The following IL15RA variants were observed in gnomAD, a reference collection of about 807,000 sequenced individuals.
IL15RA encodes interleukin 15 receptor subunit alpha.
IL15RA carries 26 observed loss-of-function variants against 24.2 expected under a neutral mutation model. That is an observed-to-expected ratio of 1.07 (90% CI 0.79 to 1.49). The LOEUF (loss-of-function observed/expected upper bound fraction) is 1.49, where lower values mean the gene tolerates loss of function less well. IL15RA is among the 40% of genes most tolerant of loss of function. The pLI, the probability that IL15RA is intolerant of heterozygous loss-of-function variation, is 0.00. For missense variants in IL15RA, 354 were observed against 356.4 expected, an observed-to-expected ratio of 0.99 and a Z score of 0.05; for synonymous variants, 166 against 157.6, an observed-to-expected ratio of 1.05 and a Z score of -0.40.
In IL15RA at chr10:5,977,527, G is replaced by C. The variant is rs1456727161; in HGVS notation, c.-35C>G. ...TCCACAGGACACCGCTGGACTCCCC[G>C]GGCGAGCGCTGCCCAGGCCGGGGGG... On this transcript the variant is annotated 5_prime_UTR_variant, in exon 1 of 7. Transcript: ENST00000379977. The C allele has an allele frequency of 4.6e-6, 6 of 1,308,284 alleles. No homozygotes were observed. Among genetic ancestry groups the C allele is most frequent in the South Asian group, 2.1e-5 (1 of 47,210 alleles). The allele number at this position is 1,308,284 out of a possible 1,614,324, so 81.0% of individuals were successfully genotyped here.
At chr10:5,956,644 G>C (rs1834562357) in intron 5 of IL15RA, among the ~76,000 whole-genome samples, 190 bp from the exon 6 acceptor site, 1 of 152,188 alleles carries the variant, frequency 6.6e-6, no homozygotes. Context: ...TCTCTTTCCT[G>C]CTGAGGGTGC....
In IL15RA at chr10:5,953,126, T is replaced by G; in HGVS notation, c.773A>C (p.Glu258Ala). 1.2e-6 allele frequency: 2 copies of G among 1,614,170 alleles called. No homozygotes were observed. The highest frequency in any genetic ancestry group is 2.2e-5 in the South Asian group (2 of 91,088). Reference protein sequence around the residue: ...PVTWGTSSRDEDLENCSHHL With the variant: ...PVTWGTSSRDADLENCSHHL Reference sequence around the variant, plus strand: ...GTGGTGAGAGCAGTTTTCCAAGTCTTCATCTCTGCTGCTGGTCCCCCAAGT... The same window carrying G: ...GTGGTGAGAGCAGTTTTCCAAGTCTGCATCTCTGCTGCTGGTCCCCCAAGT... The change falls in exon 7 of 7, where the codon GAA becomes GCA. Residue 258 changes from glutamate (E) to alanine (A), a missense_variant. By Grantham distance (107) the Glu-to-Ala change is moderately radical (BLOSUM62 -1). Transcript: ENST00000379977. This position sits in a 1 kb window ranked among gnomAD's most constrained non-coding sequence, Gnocchi z 5.3.
chr10:5,949,486 A>G (rs1012887216), downstream of IL15RA, among the ~76,000 whole-genome samples: 2 of 152,182 alleles, frequency 1.3e-5, no homozygotes, highest in African/African-American at 2.4e-5. This position sits in a 1 kb window ranked among gnomAD's most constrained non-coding sequence, Gnocchi z 4.4. Flanking sequence ...CCTGCCTGCA[A>G]GGAGCACAGC....
At position 5,962,847 on chromosome 10, in the gene IL15RA, C is replaced by A. The variant is rs1835834784; in HGVS notation, c.382+896G>T. Among the ~76,000 whole-genome samples, 1 of 152,130 alleles carries A rather than the reference C, an allele frequency of 6.6e-6. No homozygotes were observed. Among genetic ancestry groups the A allele is most frequent in the African/African-American group, 2.4e-5 (1 of 41,432 alleles). ...CTAAAGCCAAGAGTGAACTGTAGCA[C>A]AAAGGTATCATAGCATGCAGGGCGG... On this transcript the variant is annotated intron_variant, in intron 3 of 6. Coordinates refer to ENST00000379977, the MANE Select transcript of IL15RA (RefSeq NM_002189.4). This position sits in a 1 kb window ranked among gnomAD's most constrained non-coding sequence, Gnocchi z 5.2.
Position 5,953,007 on chromosome 10 carries a change from C to T in IL15RA, c.*88G>A, listed in dbSNP as rs186658799. ...GCCTGGTGAGCTTGCTCCTGGAGCC[C>T]GCTTCCTTGCACCTCTTCTCAGTCG... On this transcript the variant is annotated 3_prime_UTR_variant, in exon 7 of 7. Coordinates refer to ENST00000379977, the MANE Select transcript of IL15RA (RefSeq NM_002189.4). The surrounding 1 kb of genome is among the most constrained non-coding windows in gnomAD (Gnocchi z 5.3). 2.2e-3 allele frequency: 2,194 copies of T among 984,422 alleles called. 52 individuals carry two copies. In the South Asian group the frequency reaches 0.029, roughly 13 times the overall value. The allele number at this position is 984,422 out of a possible 1,614,324, so 61.0% of individuals were successfully genotyped here.
In IL15RA at chr10:5,962,004, G is replaced by A. The variant is rs8177693; in HGVS notation, c.383-1437C>T. ...CAAGTGCCCACGGTCGTGCCAGCTCGGGTCAAAGGCTGCTGTCACATCGGG... is the reference window on the plus strand; with the variant it reads ...CAAGTGCCCACGGTCGTGCCAGCTCAGGTCAAAGGCTGCTGTCACATCGGG... On this transcript the variant is annotated intron_variant, in intron 3 of 6. Transcript: ENST00000379977. The surrounding 1 kb of genome is among the most constrained non-coding windows in gnomAD (Gnocchi z 5.2). 5.3e-5 allele frequency among the ~76,000 whole-genome samples: 8 copies of A among 152,166 alleles called. No individual in the cohort carries two copies. The East Asian group carries it at 1.3e-3, about 26-fold the overall frequency.
In IL15RA at chr10:5,965,227, T is replaced by TAAA. The variant is rs41294175; in HGVS notation, c.283+915_283+917dup. On this transcript the variant is annotated intron_variant, in intron 2 of 6. Transcript: ENST00000379977. The surrounding 1 kb of genome is among the most constrained non-coding windows in gnomAD (Gnocchi z 5.8). ...GGACGTTTATCCAGGTGCAGACAGT[T>TAAA]AAAAAAAAAAGTTGATTCTTGCCAC... 1.3e-5 allele frequency among the ~76,000 whole-genome samples: 2 copies of TAAA among 149,376 alleles called. No individual in the cohort carries two copies. The highest frequency in any genetic ancestry group is 6.7e-5 in the Admixed American group (1 of 15,002).
rs1158121174 is a variant in IL15RA, at chr10:5,963,418, G to A, written c.382+325C>T. Among the ~76,000 whole-genome samples, 1 of 152,158 alleles carries A rather than the reference G, an allele frequency of 6.6e-6. No homozygotes were observed. The highest frequency in any genetic ancestry group is 2.4e-5 in the African/African-American group (1 of 41,432). On this transcript the variant is annotated intron_variant, in intron 3 of 6. Coordinates refer to ENST00000379977, the MANE Select transcript of IL15RA (RefSeq NM_002189.4). The surrounding 1 kb of genome is among the most constrained non-coding windows in gnomAD (Gnocchi z 5.3). ...CTGCCAGCACCCATGAAAATGTTGA[G>A]GGCTAACACACATGCAACCTCAAAC...
At position 5,963,162 on chromosome 10, in the gene IL15RA, C is replaced by T. The variant is rs1372978403; in HGVS notation, c.382+581G>A. 3.3e-5 allele frequency among the ~76,000 whole-genome samples: 5 copies of T among 152,200 alleles called. No homozygotes were observed. Among genetic ancestry groups the T allele is most frequent in the African/African-American group, 4.8e-5 (2 of 41,442 alleles). On this transcript the variant is annotated intron_variant, in intron 3 of 6. Transcript: ENST00000379977. This position sits in a 1 kb window ranked among gnomAD's most constrained non-coding sequence, Gnocchi z 5.3. ...CTTCTACAGCAAGCGCCTTGGAAGA[C>T]GGGGACATGGTCTCCCCTGGAGCAG... is the stretch of plus-strand genomic sequence containing the variant.
chr10:5,973,616 C>T lies in IL15RA; in HGVS notation c.88+3789G>A, dbSNP rs1319361754. Among the ~76,000 whole-genome samples the T allele has an allele frequency of 6.6e-6, 1 of 152,202 alleles. No homozygotes were observed. Among genetic ancestry groups the T allele is most frequent in the East Asian group, 1.9e-4 (1 of 5,180 alleles). On this transcript the variant is annotated intron_variant, in intron 1 of 6. Coordinates refer to ENST00000379977, the MANE Select transcript of IL15RA (RefSeq NM_002189.4). This position sits in a 1 kb window ranked among gnomAD's most constrained non-coding sequence, Gnocchi z 4.5. ...TTGGATATGCATATATAGAAACAAA[C>T]AAAATCCCAAAACAACCTTTAATTC...
Position 5,963,628 on chromosome 10 carries a change from T to C in IL15RA, c.382+115A>G. 1.8e-6 allele frequency: 1 copy of C among 546,998 alleles called. No homozygotes were observed. The allele number at this position is 546,998 out of a possible 1,614,324, so 33.9% of individuals were successfully genotyped here. A position where few individuals can be genotyped will look rare whatever the true frequency, so the allele number is the denominator to read the frequency against. On this transcript the variant is annotated intron_variant, in intron 3 of 6. Transcript: ENST00000379977. The surrounding 1 kb of genome is among the most constrained non-coding windows in gnomAD (Gnocchi z 5.3). ...TTGATTGAATAAGACGTTTGCGCTA[T>C]TGCCTAAGTCTGCAGTGGCACACCA...
chr10:5,974,995 G>A (rs1195279562), intron 1 of IL15RA, among the ~76,000 whole-genome samples: 2 of 151,132 alleles, frequency 1.3e-5, no homozygotes, highest in Non-Finnish European at 3.0e-5. Context: ...CTCCAGCTTG[G>A]GAAACAATGG....
downstream of IL15RA, among the ~76,000 whole-genome samples, chr10:5,951,046 G>T (rs751991657): frequency 1.3e-5 from 2 of 149,512 alleles, no homozygotes; most frequent in Non-Finnish European, 3.0e-5. Context: ...GAAGGCTGAG[G>T]CAGGAGAATG....
At position 5,965,813 on chromosome 10, in the gene IL15RA, C is replaced by T. The variant is rs973937783; in HGVS notation, c.283+332G>A. On this transcript the variant is annotated intron_variant, in intron 2 of 6. Coordinates refer to ENST00000379977, the MANE Select transcript of IL15RA (RefSeq NM_002189.4). This position sits in a 1 kb window ranked among gnomAD's most constrained non-coding sequence, Gnocchi z 5.8. The stretch of plus-strand genomic sequence containing the variant: ...GCGGCTCACTGTGACCTCTACCTCC[C>T]GGGTTCAAGCAATTCTCCTGCCTCA... 1.1e-4 allele frequency among the ~76,000 whole-genome samples: 17 copies of T among 152,194 alleles called. No homozygotes were observed. The highest frequency in any genetic ancestry group is 1.6e-4 in the Non-Finnish European group (11 of 68,012).
chr10:5,957,518 C>T (rs895940449), intron 5 of IL15RA, among the ~76,000 whole-genome samples: 4 of 151,744 alleles, frequency 2.6e-5, no homozygotes, highest in African/African-American at 4.8e-5. Context: ...TCGTGATCCG[C>T]CTGCCTTAGC....
In IL15RA at chr10:5,955,240, C is replaced by T. The variant is rs1834358998; in HGVS notation, c.692+1139G>A. Among the ~76,000 whole-genome samples the T allele has an allele frequency of 6.6e-6, 1 of 152,002 alleles. No homozygotes were observed. Among genetic ancestry groups the T allele is most frequent in the African/African-American group, 2.4e-5 (1 of 41,368 alleles). On this transcript the variant is annotated intron_variant, in intron 6 of 6. Transcript: ENST00000379977. The surrounding 1 kb of genome is among the most constrained non-coding windows in gnomAD (Gnocchi z 5.3). ...TCAGCCTCCCTAGTAGCTGGCATTA[C>T]AGGCATGCACCACCATGGCCTGCTT...
Position 5,966,383 on chromosome 10 carries a change from T to C in IL15RA, c.89-44A>G. 6.5e-7 allele frequency: 1 copy of C among 1,528,056 alleles called. No individual in the cohort carries two copies. The highest frequency in any genetic ancestry group is 2.3e-5 in the East Asian group (1 of 43,732). 94.7% of individuals were successfully genotyped at this position (1,528,056 alleles called of 1,614,324 possible). A position where few individuals can be genotyped will look rare whatever the true frequency, so the allele number is the denominator to read the frequency against. ...CAGGGGACGGTGAAGAGGTTTCCAC[T>C]TGTAAGAGGCGTTCTCCAGGCACAC... On this transcript the variant is annotated intron_variant, in intron 1 of 6. Transcript: ENST00000379977. This position sits in a 1 kb window ranked among gnomAD's most constrained non-coding sequence, Gnocchi z 6.4.
chr10:5,956,211 C>G (rs747487277), intron 6 of IL15RA, among the ~76,000 whole-genome samples, 168 bp downstream of exon 6: 2 of 152,146 alleles, frequency 1.3e-5, no homozygotes, highest in Non-Finnish European at 2.9e-5. Context: ...GACGAGGTTC[C>G]ACCACGTTGG....
rs540368292 is a variant in IL15RA, at chr10:5,953,759, C to A, written c.693-553G>T. ...ATTCATGAAGCTTTTAAAAACAGTT[C>A]TTAGCACTTAGTATGTGTGAAATAA... On this transcript the variant is annotated intron_variant, in intron 6 of 6. Transcript: ENST00000379977. This position sits in a 1 kb window ranked among gnomAD's most constrained non-coding sequence, Gnocchi z 5.3. 74 of 198,830 alleles carry A rather than the reference C, an allele frequency of 3.7e-4. No homozygotes were observed. Among genetic ancestry groups the A allele is most frequent in the African/African-American group, 1.6e-3 (70 of 43,216 alleles). The allele number at this position is 198,830 out of a possible 1,614,324, so 12.3% of individuals were successfully genotyped here.
Sources: gnomAD v4.1 joint callset for allele counts (sites outside exome capture counted in the v4.1 genomes callset) on GRCh38, gnomAD v4.1.1 for gene constraint, Gnocchi (gnomAD v3.1) non-coding constraint, MANE v1.5 for transcripts, NCBI Gene and HGNC (gene_info 2026-07-23, HGNC 2026-07-21) for gene names.